The following RAPGEF4 variants were observed in gnomAD, a reference collection of about 807,000 sequenced individuals.
RAPGEF4 encodes the protein Rap guanine nucleotide exchange factor 4.
A neutral mutation model predicts 147.9 loss-of-function variants in RAPGEF4; 66 were observed. The observed-to-expected ratio is 0.45, with a 90% confidence interval of 0.37 to 0.55. RAPGEF4 has a LOEUF of 0.55. Among genes scored for constraint, RAPGEF4 ranks in the 20% least tolerant of loss-of-function variants. The pLI is 0.00. For synonymous variants in RAPGEF4, 419 were observed against 442.7 expected (o/e 0.95, Z 0.67); for missense variants, 1,071 against 1,257.3 (o/e 0.85, Z 2.24).
intron 15 of RAPGEF4, 74 bp from the exon 16 acceptor site, chr2:172,996,392 C>T: frequency 1.6e-5 from 11 of 688,974 alleles, no homozygotes; most frequent in African/African-American, 1.9e-5. Flanking sequence ...AAAAAAAAAA[C>T]TTAGATAAGT....
chr2:172,760,683 A>T (rs938949806), intron 1 of RAPGEF4, among the ~76,000 whole-genome samples: 1 of 151,070 alleles, frequency 6.6e-6, no homozygotes, highest in Admixed American at 6.6e-5. Context: ...ACGCCACTGC[A>T]CTCCAGCCTG....
chr2:172,960,676 T>A, intron 6 of RAPGEF4, 84 bp from the exon 7 acceptor site: 7 of 888,336 alleles, frequency 7.9e-6, no homozygotes, highest in Non-Finnish European at 1.2e-5. Flanking sequence ...AAAAAATGGA[T>A]GTTTCTTATT....
chr2:172,913,809 A>G (rs1388939632), intron 4 of RAPGEF4, among the ~76,000 whole-genome samples: 1 of 152,202 alleles, frequency 6.6e-6, no homozygotes, highest in African/African-American at 2.4e-5. Flanking sequence ...CTTGAGTCCC[A>G]TGGAATAAAA....
intron 25 of RAPGEF4, among the ~76,000 whole-genome samples, chr2:173,027,660 G>A (rs1696792562): frequency 2.0e-5 from 3 of 152,230 alleles, no homozygotes; most frequent in African/African-American, 7.2e-5. Context: ...CAGCATGCAT[G>A]TACAGCAGCA....
intron 4 of RAPGEF4, among the ~76,000 whole-genome samples, chr2:172,902,846 TC>T (rs1015340997): frequency 1.3e-5 from 2 of 152,142 alleles, no homozygotes; most frequent in African/African-American, 2.4e-5. Context: ...GTTGCAAAAT[TC>T]CACCATAAAC....
chr2:172,956,911 G>A (rs1370197474), intron 6 of RAPGEF4, among the ~76,000 whole-genome samples: 1 of 152,180 alleles, frequency 6.6e-6, no homozygotes, highest in East Asian at 1.9e-4. Flanking sequence ...GAAGAGCTTG[G>A]ATGCAATTTT....
chr2:172,859,474 T>C (rs1383929036), intron 4 of RAPGEF4, among the ~76,000 whole-genome samples: 1 of 152,246 alleles, frequency 6.6e-6, no homozygotes, highest in East Asian at 1.9e-4. Flanking sequence ...CTTTAGCTCC[T>C]GCTTCAGCTG....
intron 4 of RAPGEF4, among the ~76,000 whole-genome samples, chr2:172,819,011 T>G (rs1451548910): frequency 3.9e-5 from 6 of 152,250 alleles, no homozygotes; most frequent in Non-Finnish European, 8.8e-5. Context: ...AAGCATTTCC[T>G]CAATAGTCTC....
intron 4 of RAPGEF4, among the ~76,000 whole-genome samples, chr2:172,891,352 G>T (rs1697890701): frequency 6.6e-6 from 1 of 152,142 alleles, no homozygotes; most frequent in Non-Finnish European, 1.5e-5. Flanking sequence ...TCAGGTATGT[G>T]TCCCTGATGT....
intron 29 of RAPGEF4, among the ~76,000 whole-genome samples, chr2:173,040,236 AAAATG>A (rs1430117776): frequency 6.6e-6 from 1 of 152,178 alleles, no homozygotes; most frequent in East Asian, 1.9e-4. Context: ...ATGTTACCAG[AAAATG>A]AAATGAAATT....
chr2:172,922,550 G>T (rs915666163), intron 6 of RAPGEF4, among the ~76,000 whole-genome samples: 1 of 152,200 alleles, frequency 6.6e-6, no homozygotes, highest in Non-Finnish European at 1.5e-5. Context: ...AGGGGCAAAT[G>T]CTACAATTGC....
chr2:172,874,932 C>G (rs1378059185), intron 4 of RAPGEF4, among the ~76,000 whole-genome samples: 2 of 152,090 alleles, frequency 1.3e-5, no homozygotes, highest in African/African-American at 2.4e-5. Context: ...TTTTAATGAT[C>G]GCCATTCTAA....
In RAPGEF4 at chr2:173,051,789, A is replaced by G. The variant is rs2106112240; in HGVS notation, c.*22A>G. The stretch of plus-strand genomic sequence containing the variant: ...ATAGACATTTCAAATGCCCAAAGCA[A>G]CAGTTTGTCTCCAGTCCACAATCTT... On this transcript the variant is annotated 3_prime_UTR_variant, in exon 31 of 31. Transcript: ENST00000397081. 6 of 1,612,162 alleles carry G rather than the reference A, an allele frequency of 3.7e-6. No homozygotes were observed. The highest frequency in any genetic ancestry group is 1.1e-5 in the South Asian group (1 of 90,880).
intron 6 of RAPGEF4, among the ~76,000 whole-genome samples, chr2:172,930,383 T>G (rs924593810): frequency 2.0e-5 from 3 of 152,178 alleles, no homozygotes; most frequent in Admixed American, 1.3e-4. Flanking sequence ...TCCCCCTATT[T>G]TACTTCTCAA....
chr2:172,912,964 C>G (rs563243093), intron 4 of RAPGEF4, among the ~76,000 whole-genome samples: 3 of 147,098 alleles, frequency 2.0e-5, no homozygotes, highest in Non-Finnish European at 4.5e-5. Context: ...GGCACAATCT[C>G]GGCTCACTGC....
At chr2:172,797,073 A>T (rs190695973) in intron 2 of RAPGEF4, among the ~76,000 whole-genome samples, 77 of 152,360 alleles carry the variant, frequency 5.1e-4, no homozygotes, top group African/African-American at 1.8e-3. Flanking sequence ...TATAAAAAGA[A>T]TAAGAAAATG....
chr2:173,036,763 A>T, intron 29 of RAPGEF4, 71 bp downstream of exon 29: 1 of 1,149,202 alleles, frequency 8.7e-7, no homozygotes, highest in South Asian at 1.4e-5. Context: ...CTAATAAAGG[A>T]AATAATTTCC....
At chr2:172,850,744 G>T (rs1481668980) in intron 4 of RAPGEF4, among the ~76,000 whole-genome samples, 1 of 152,094 alleles carries the variant, frequency 6.6e-6, no homozygotes, top group African/African-American at 2.4e-5. Flanking sequence ...TGTACTTCCA[G>T]ACATTTTTCT....
At chr2:173,005,829 A>G (rs868032133) in intron 17 of RAPGEF4, among the ~76,000 whole-genome samples, 1 of 151,930 alleles carries the variant, frequency 6.6e-6, no homozygotes, top group Non-Finnish European at 1.5e-5. Flanking sequence ...TATTTATTTC[A>G]TTTCACATAT....
Sources: gnomAD v4.1 joint callset for allele counts (sites outside exome capture counted in the v4.1 genomes callset) on GRCh38, gnomAD v4.1.1 for gene constraint, MANE v1.5 for transcripts, NCBI Gene and HGNC (gene_info 2026-07-23, HGNC 2026-07-21) for gene names.